The following ABCC8 variants were observed in gnomAD, a reference collection of about 807,000 sequenced individuals.
ABCC8 encodes the protein ATP-binding cassette sub-family C member 8.
A neutral mutation model predicts 188.0 loss-of-function variants in ABCC8; 137 were observed. The observed-to-expected ratio is 0.73, with a 90% CI of 0.63 to 0.84. ABCC8 has a LOEUF of 0.84. Among genes scored for constraint, ABCC8 ranks in the 40% least tolerant of loss-of-function variants. The probability of loss-of-function intolerance (pLI) is 0.00; values close to 1 mark genes in which losing one functional copy is unlikely to be tolerated. For synonymous variants in ABCC8, 797 were observed against 846.5 expected (o/e 0.94, Z 1.01); for missense variants, 1,750 against 2,072.7 (o/e 0.84, Z 3.02).
rs752809991 is a variant in ABCC8 at position 17,395,269 on chromosome 11, G to A, written c.4314C>T (p.Asn1438=). ...CTGAGCACTTCCTCTCAGGGTCCAG[G>A]TTAAATCTGGAAGTGGCACAGAAAG... ...PVLFSGTIRF[N]LDPERKCSDS... is the part of the protein sequence containing the mutation. The change falls in exon 36 of 39, where the codon AAC becomes AAT. Residue 1438 remains asparagine, a synonymous_variant. Transcript: ENST00000389817. 49 of 1,588,186 alleles carry A rather than the reference G, an allele frequency of 3.1e-5. No individual in the cohort carries two copies. The highest frequency in any genetic ancestry group is 5.3e-5 in the Admixed American group (3 of 56,918).
chr11:17,460,408 C>A, intron 6 of ABCC8, 80 bp downstream of exon 6: 2 of 1,604,820 alleles, frequency 1.2e-6, no homozygotes, highest in Non-Finnish European at 1.7e-6. Flanking sequence ...CCATGGCTCA[C>A]ACACATTGGC....
At chr11:17,475,945 A>G (rs983710361) in intron 1 of ABCC8, among the ~76,000 whole-genome samples, 13 of 152,188 alleles carry the variant, frequency 8.5e-5, no homozygotes, top group Admixed American at 3.3e-4. Context: ...GTGGCGCCCA[A>G]CTTTGCAAGC....
intron 11 of ABCC8, 41 bp downstream of exon 11, chr11:17,432,163 C>T (rs372562241): frequency 1.3e-6 from 2 of 1,551,652 alleles, no homozygotes; most frequent in Admixed American, 2.0e-5. Flanking sequence ...CGCCCTCCCC[C>T]TCCACCCTAC....
At chr11:17,423,732 G>C (rs1224948351) in intron 16 of ABCC8, among the ~76,000 whole-genome samples, 1 of 152,190 alleles carries the variant, frequency 6.6e-6, no homozygotes, top group African/African-American at 2.4e-5. Flanking sequence ...GAGGACCCAC[G>C]TGGCAGTTCT....
At chr11:17,451,358 C>T (rs745585747) in intron 7 of ABCC8, among the ~76,000 whole-genome samples, 11 of 152,314 alleles carry the variant, frequency 7.2e-5, no homozygotes, top group African/African-American at 2.6e-4. Context: ...TTTTCCTGGG[C>T]TTTTTCCACT....
At chr11:17,446,572 C>T (rs1309572832) in intron 8 of ABCC8, among the ~76,000 whole-genome samples, 1 of 152,194 alleles carries the variant, frequency 6.6e-6, no homozygotes, top group African/African-American at 2.4e-5. Flanking sequence ...AGCCACCACA[C>T]CCAGCTTAGA....
chr11:17,450,260 C>CTT (rs138135816), intron 7 of ABCC8, among the ~76,000 whole-genome samples: 4,868 of 67,408 alleles, frequency 0.072, 381 homozygotes, highest in African/African-American at 0.11. Flanking sequence ...TTCTTTCTTT[C>CTT]TCTTTCTTTC....
intron 10 of ABCC8, 64 bp from the exon 11 acceptor site, chr11:17,432,308 C>T: frequency 6.4e-7 from 1 of 1,551,546 alleles, no homozygotes; most frequent in African/African-American, 1.4e-5. Context: ...TGGAGATGCC[C>T]AGGATGGCTT....
rs1007114942 is a variant in ABCC8, at chr11:17,395,895, G to T, written c.4155C>A (p.Ser1385=). 5.0e-6 allele frequency: 8 copies of T among 1,591,616 alleles called. No homozygotes were observed. The highest frequency in any genetic ancestry group is 6.8e-6 in the Non-Finnish European group (8 of 1,168,216). The change falls in exon 34 of 39, where the codon TCC becomes TCA. Residue 1385 remains serine, a synonymous_variant. Coordinates refer to ENST00000389817, the MANE Select transcript of ABCC8 (RefSeq NM_000352.6). ...GICGRTGSGK[S]SFSLAFFRMV... ...TGCGGAAGAAGGCAAGAGAGAAGGA[G>T]GACTTCCCACTGCCGGTGCGGCCGC...
At chr11:17,444,339 T>C (rs1956440651) in intron 8 of ABCC8, 1 of 152,258 alleles carries the variant, frequency 6.6e-6, no homozygotes, top group Non-Finnish European at 1.5e-5. Context: ...TGGCATCCAG[T>C]CCTTCATTAG....
At chr11:17,415,806 G>A (rs141212913) in intron 17 of ABCC8, among the ~76,000 whole-genome samples, 1 of 152,208 alleles carries the variant, frequency 6.6e-6, no homozygotes, top group African/African-American at 2.4e-5. Context: ...GCACTCTGGG[G>A]CTGGGAACCC....
chr11:17,411,966 C>G (rs1425919528), intron 21 of ABCC8, among the ~76,000 whole-genome samples: 1 of 148,956 alleles, frequency 6.7e-6, no homozygotes, highest in Non-Finnish European at 1.5e-5. Flanking sequence ...GATCTCGGCT[C>G]GCTGCAAGCT....
In ABCC8 at chr11:17,406,603, G is replaced by C. The variant is rs370464356; in HGVS notation, c.3329+19C>G. 6.2e-6 allele frequency: 10 copies of C among 1,608,632 alleles called. No individual in the cohort carries two copies. In the African/African-American group the frequency reaches 1.1e-4, roughly 17 times the overall value. Reference sequence around the variant, plus strand: ...AGTGACTTGCTCACAGTCCCAGCCTGGCCAGGGGAGACGGGTACCTCATGG... The same window carrying C: ...AGTGACTTGCTCACAGTCCCAGCCTCGCCAGGGGAGACGGGTACCTCATGG... On this transcript the variant is annotated intron_variant, in intron 26 of 38. Transcript: ENST00000389817.
At chr11:17,444,616 A>T (rs1956454254) in intron 8 of ABCC8, among the ~76,000 whole-genome samples, 1 of 152,218 alleles carries the variant, frequency 6.6e-6, no homozygotes, top group African/African-American at 2.4e-5. Context: ...TCTTCTGCAC[A>T]GGTCTGAATG....
chr11:17,448,115 C>T (rs1169782050), intron 8 of ABCC8: 2 of 183,790 alleles, frequency 1.1e-5, no homozygotes, highest in South Asian at 1.3e-4. Context: ...TCTTTTCTTT[C>T]TTCTTTTTTT....
intron 30 of ABCC8, chr11:17,398,010 A>G (rs778874728): frequency 1.2e-4 from 70 of 560,312 alleles, no homozygotes; most frequent in Non-Finnish European, 1.4e-4. Context: ...CCTACCCCCT[A>G]GCCCCTGCAC....
intron 27 of ABCC8, among the ~76,000 whole-genome samples, chr11:17,405,096 A>G (rs1954452663): frequency 6.6e-6 from 1 of 152,144 alleles, no homozygotes; most frequent in South Asian, 2.1e-4. Flanking sequence ...CACGTATCTC[A>G]TCTCTCCAGC....
intron 8 of ABCC8, among the ~76,000 whole-genome samples, chr11:17,447,411 A>G (rs1208977052): frequency 6.6e-6 from 1 of 152,150 alleles, no homozygotes; most frequent in Non-Finnish European, 1.5e-5. Context: ...TTAAAAAAAT[A>G]CCATGTTTTA....
intron 17 of ABCC8, 198 bp from the exon 18 acceptor site, chr11:17,415,537 C>T (rs892001236): frequency 4.3e-5 from 34 of 793,452 alleles, no homozygotes; most frequent in Non-Finnish European, 5.0e-5. Context: ...TGCCTGACCA[C>T]GTGGGTGTGT....
Sources: gnomAD v4.1 joint callset for allele counts (sites outside exome capture counted in the v4.1 genomes callset) on GRCh38, gnomAD v4.1.1 for gene constraint, MANE v1.5 for transcripts, NCBI Gene and HGNC (gene_info 2026-07-23, HGNC 2026-07-21) for gene names.